KMO: variants seen among roughly 807,000 people sequenced by gnomAD.
The protein encoded by KMO is kynurenine 3-hydroxylase.
In KMO, 24 loss-of-function variants were observed where a neutral mutation model predicts 57.8. The ratio of observed to expected loss-of-function variants is 0.42; its 90% confidence interval spans 0.30 to 0.58. KMO has a LOEUF of 0.58. Ranked by LOEUF, KMO falls within the 20% of genes least tolerant of loss-of-function variation. KMO has a pLI of 0.22. For synonymous variants in KMO, 210 were observed against 193.6 expected (o/e 1.08, Z -0.70); for missense variants, 483 against 588.2 (o/e 0.82, Z 1.85).
chr1:241,542,499 T>A (rs1271861453), intron 1 of KMO, among the ~76,000 whole-genome samples: 1 of 152,244 alleles, frequency 6.6e-6, no homozygotes, highest in Non-Finnish European at 1.5e-5. Flanking sequence ...TAAAAATGTT[T>A]AATTTGCAAA....
At chr1:241,559,410 G>A (rs1449435451) in intron 5 of KMO, among the ~76,000 whole-genome samples, 5 of 151,002 alleles carry the variant, frequency 3.3e-5, no homozygotes, top group Non-Finnish European at 5.9e-5. Flanking sequence ...TATTTAGGAT[G>A]CAAAATACTA....
At chr1:241,587,690 C>T (rs1331754653) in intron 11 of KMO, among the ~76,000 whole-genome samples, 1 of 152,076 alleles carries the variant, frequency 6.6e-6, no homozygotes, top group Non-Finnish European at 1.5e-5. Context: ...GTGATCCACC[C>T]ACCTCTGCCT....
intron 10 of KMO, among the ~76,000 whole-genome samples, chr1:241,569,004 T>C (rs1251574702): frequency 1.3e-5 from 2 of 152,154 alleles, no homozygotes; most frequent in Non-Finnish European, 2.9e-5. Flanking sequence ...GTATCCATTT[T>C]TACATCTAAT....
intron 1 of KMO, among the ~76,000 whole-genome samples, chr1:241,548,313 C>G (rs1661230766): frequency 6.6e-6 from 1 of 151,894 alleles, no homozygotes; most frequent in African/African-American, 2.4e-5. Context: ...AAGTATATTG[C>G]TTAGAAATAT....
intron 10 of KMO, among the ~76,000 whole-genome samples, chr1:241,579,591 A>G (rs1306086417): frequency 1.3e-5 from 2 of 152,086 alleles, no homozygotes; most frequent in Admixed American, 1.3e-4. Flanking sequence ...TTACACCCAC[A>G]GTGTTCTGCT....
chr1:241,535,515 G>A (rs938879183), intron 1 of KMO, among the ~76,000 whole-genome samples: 3 of 152,092 alleles, frequency 2.0e-5, no homozygotes, highest in African/African-American at 7.2e-5. Flanking sequence ...ATCTGATATT[G>A]GGTTAAACCA....
In KMO at chr1:241,568,558, T is replaced by C; in HGVS notation, c.868T>C (p.Cys290Arg). 6.2e-7 allele frequency: 1 copy of C among 1,614,030 alleles called. No individual in the cohort carries two copies. The highest frequency in any genetic ancestry group is 1.1e-5 in the South Asian group (1 of 91,086). The part of the protein sequence containing the change: ...LPAQPMISVK[C>R]SSFHFKSHCV... ...TGCCCAGCCCATGATATCTGTAAAG[T>C]GCTCTTCATTTCACTTTAAATCTCA... Residue 290 changes from cysteine (C) to arginine (R), a missense_variant, in exon 10 of 15, where the codon TGC (cysteine) becomes CGC (arginine). Coordinates refer to ENST00000366559, the MANE Select transcript of KMO (RefSeq NM_003679.5).
intron 10 of KMO, among the ~76,000 whole-genome samples, chr1:241,578,184 T>C (rs1261517818): frequency 1.3e-5 from 2 of 152,138 alleles, no homozygotes; most frequent in Non-Finnish European, 2.9e-5. Context: ...ATTCCCACTG[T>C]GTTTGCAGTG....
intron 11 of KMO, among the ~76,000 whole-genome samples, chr1:241,586,999 C>T (rs990652218): frequency 2.0e-5 from 3 of 152,136 alleles, no homozygotes; most frequent in Non-Finnish European, 2.9e-5. Flanking sequence ...TCAGAGTACC[C>T]GTGCTTGGCA....
chr1:241,588,391 C>G (rs1663104045), intron 11 of KMO, among the ~76,000 whole-genome samples: 1 of 131,956 alleles, frequency 7.6e-6, no homozygotes, highest in South Asian at 2.4e-4. Context: ...TGCTCAGGAG[C>G]CAGAGATATT....
At chr1:241,541,869 T>C (rs1289204502) in intron 1 of KMO, among the ~76,000 whole-genome samples, 4 of 152,140 alleles carry the variant, frequency 2.6e-5, no homozygotes, top group African/African-American at 7.2e-5. Context: ...ATTTCAACAC[T>C]ATTAACAAGC....
chr1:241,594,590 G>T lies in KMO; in HGVS notation c.*2437G>T, dbSNP rs773145705. On this transcript the variant is annotated 3_prime_UTR_variant, in exon 15 of 15. Transcript: ENST00000366559. ...CCCCATCTTTCTGTGACATCACAAT[G>T]GGTCTGATCTGCATTTCACTTCCAG... 66 of 1,614,006 alleles carry T rather than the reference G, an allele frequency of 4.1e-5. No individual in the cohort carries two copies. The highest frequency in any genetic ancestry group is 5.4e-5 in the Non-Finnish European group (64 of 1,180,008).
rs996340594 is a variant in KMO, at chr1:241,594,086, G to A, written c.*1933G>A. The A allele has an allele frequency of 2.4e-5, 6 of 249,630 alleles. No individual in the cohort carries two copies. In the East Asian group the frequency reaches 5.8e-4, roughly 24 times the overall value. The allele number at this position is 249,630 out of a possible 1,614,324, so 15.5% of individuals were successfully genotyped here. The stretch of plus-strand genomic sequence containing the variant: ...ACGCGACAGTTATTTTTACAGTAAG[G>A]TATTTTCGAGAAAAATGCATTACGT... On this transcript the variant is annotated 3_prime_UTR_variant, in exon 15 of 15. Coordinates refer to ENST00000366559, the MANE Select transcript of KMO (RefSeq NM_003679.5).
chr1:241,547,485 A>C (rs1361841145), intron 1 of KMO, among the ~76,000 whole-genome samples: 1 of 152,162 alleles, frequency 6.6e-6, no homozygotes, highest in South Asian at 2.1e-4. Flanking sequence ...AAAAGATCTA[A>C]ACAGACACTT....
At chr1:241,569,930 A>T (rs1469611108) in intron 10 of KMO, among the ~76,000 whole-genome samples, 2 of 152,012 alleles carry the variant, frequency 1.3e-5, no homozygotes, top group Non-Finnish European at 2.9e-5. Context: ...TCATATACCC[A>T]CTGGCCATTT....
At chr1:241,566,718 A>G in intron 9 of KMO, 106 bp downstream of exon 9, 2 of 1,186,734 alleles carry the variant, frequency 1.7e-6, no homozygotes, top group Non-Finnish European at 2.5e-6. Context: ...TGGATCATGC[A>G]GTAACCTGGA....
intron 10 of KMO, among the ~76,000 whole-genome samples, chr1:241,581,059 C>A (rs1421441828): frequency 6.6e-6 from 1 of 151,972 alleles, no homozygotes; most frequent in Non-Finnish European, 1.5e-5. Flanking sequence ...CCAAATTGAC[C>A]TTTTTGTCAT....
intron 1 of KMO, 54 bp downstream of exon 1, chr1:241,532,552 T>C (rs1419046534): frequency 4.6e-6 from 6 of 1,296,908 alleles, no homozygotes; most frequent in Non-Finnish European, 6.5e-6. Context: ...TAACTATTAT[T>C]ACTCGTAATG....
chr1:241,575,784 C>T (rs918251306), intron 10 of KMO, among the ~76,000 whole-genome samples: 1 of 151,984 alleles, frequency 6.6e-6, no homozygotes, highest in Non-Finnish European at 1.5e-5. Flanking sequence ...TCTGTTAGAT[C>T]TATATTTTCT....
Sources: allele counts gnomAD v4.1 joint callset (sites outside exome capture counted in the v4.1 genomes callset), GRCh38; gene constraint gnomAD v4.1.1; transcripts MANE v1.5; gene names NCBI Gene and HGNC (gene_info 2026-07-23, HGNC 2026-07-21).